CHST9: variants seen among roughly 807,000 people sequenced by gnomAD.
The protein encoded by CHST9 is GalNAc-4-sulfotransferase 2.
Under a neutral mutation model 44.4 loss-of-function variants are expected in CHST9, and 41 were observed. The observed-to-expected ratio is 0.92, with a 90% CI of 0.72 to 1.20. The LOEUF (loss-of-function observed/expected upper bound fraction) is 1.20, where lower values mean the gene tolerates loss of function less well. Ranked by LOEUF, CHST9 falls within the 50% of genes most tolerant of loss-of-function variation. The pLI, the probability that CHST9 is intolerant of heterozygous loss-of-function variation, is 0.00. For synonymous variants in CHST9, 171 were observed against 178.4 expected (o/e 0.96, Z 0.33); for missense variants, 504 against 516.5 (o/e 0.98, Z 0.23).
At chr18:26,967,253 T>G (rs2056477774) in intron 4 of CHST9, among the ~76,000 whole-genome samples, 1 of 152,230 alleles carries the variant, frequency 6.6e-6, no homozygotes, top group South Asian at 2.1e-4. Flanking sequence ...GCTTTCTGAA[T>G]GCTATGTAGG....
chr18:27,027,756 C>T (rs2057298238), intron 3 of CHST9, among the ~76,000 whole-genome samples: 1 of 152,020 alleles, frequency 6.6e-6, no homozygotes, highest in Non-Finnish European at 1.5e-5. Context: ...AAACTACACC[C>T]ATAATCATCA....
At chr18:26,952,016 GAC>G (rs2056254716) in intron 4 of CHST9, among the ~76,000 whole-genome samples, 1 of 152,164 alleles carries the variant, frequency 6.6e-6, no homozygotes, top group Non-Finnish European at 1.5e-5. Flanking sequence ...CATATTACAT[GAC>G]ACTCTCTCCC....
intron 1 of CHST9, among the ~76,000 whole-genome samples, chr18:27,152,157 T>C (rs1366900937): frequency 2.6e-5 from 4 of 152,208 alleles, no homozygotes; most frequent in East Asian, 3.8e-4. Context: ...TGCTTCCTTA[T>C]ACATCTTGTT....
At chr18:26,975,689 G>A (rs2056610760) in intron 4 of CHST9, among the ~76,000 whole-genome samples, 1 of 138,070 alleles carries the variant, frequency 7.2e-6, no homozygotes, top group Admixed American at 7.5e-5. Context: ...ATATATGTGT[G>A]TGTATATATA....
intron 5 of CHST9, among the ~76,000 whole-genome samples, chr18:26,933,397 ATGTAG>A (rs1256738832): frequency 1.3e-5 from 2 of 152,212 alleles, no homozygotes; most frequent in African/African-American, 4.8e-5. Context: ...AATGCCTGAC[ATGTAG>A]TGTATACTCA....
chr18:27,088,328 T>C (rs1017746278), intron 2 of CHST9, among the ~76,000 whole-genome samples: 1 of 152,088 alleles, frequency 6.6e-6, no homozygotes, highest in South Asian at 2.1e-4. Flanking sequence ...ACACATTCAA[T>C]TTCCCATGTT....
At position 27,023,551 on chromosome 18, in the gene CHST9, C is replaced by A. The variant is rs145727454; in HGVS notation, c.202+565G>T. On this transcript the variant is annotated intron_variant, in intron 4 of 5. Transcript: ENST00000618847. ...CAGCTGAATCTTTTTGCCTAAAGACCACTGTATGCCAAAGCCATGAAAACA... is the reference window on the plus strand; with the variant it reads ...CAGCTGAATCTTTTTGCCTAAAGACAACTGTATGCCAAAGCCATGAAAACA... 2.6e-5 allele frequency among the ~76,000 whole-genome samples: 4 copies of A among 152,266 alleles called. No individual in the cohort carries two copies. The East Asian group carries it at 7.7e-4, about 29-fold the overall frequency.
At chr18:27,169,777 T>G (rs1166943861) in intron 1 of CHST9, among the ~76,000 whole-genome samples, 2 of 151,896 alleles carry the variant, frequency 1.3e-5, no homozygotes, top group Admixed American at 1.3e-4. Context: ...GGCTAATTTT[T>G]TTTGTACTTT....
intron 4 of CHST9, among the ~76,000 whole-genome samples, chr18:27,019,405 C>T (rs1473267618): frequency 6.6e-6 from 1 of 152,122 alleles, no homozygotes; most frequent in Non-Finnish European, 1.5e-5. Flanking sequence ...AACCCTGCCT[C>T]AAGATATTCT....
chr18:27,109,590 G>A (rs993957264), intron 2 of CHST9, among the ~76,000 whole-genome samples: 2 of 152,170 alleles, frequency 1.3e-5, no homozygotes, highest in East Asian at 1.9e-4. Context: ...AGCTGCGACA[G>A]CTTGTTTATT....
intron 4 of CHST9, among the ~76,000 whole-genome samples, chr18:26,951,005 C>G (rs565115526): frequency 6.6e-6 from 1 of 152,150 alleles, no homozygotes. Flanking sequence ...GTCTGACCGG[C>G]AGATTAAGTG....
intron 4 of CHST9, among the ~76,000 whole-genome samples, chr18:26,996,575 C>T (rs111493827): frequency 6.0e-4 from 92 of 152,236 alleles, no homozygotes; most frequent in African/African-American, 2.0e-3. Flanking sequence ...AGGACAAAAC[C>T]AAACTCCATT....
chr18:26,999,835 GATAAA>G (rs1196203596), intron 4 of CHST9, among the ~76,000 whole-genome samples: 2 of 152,094 alleles, frequency 1.3e-5, no homozygotes, highest in Non-Finnish European at 2.9e-5. Flanking sequence ...GAAGTCTATG[GATAAA>G]ATAAAAATAA....
At chr18:27,083,762 T>A (rs1371331013) in intron 2 of CHST9, among the ~76,000 whole-genome samples, 1 of 152,162 alleles carries the variant, frequency 6.6e-6, no homozygotes, top group Non-Finnish European at 1.5e-5. Context: ...CCCCATTCCA[T>A]CTGGGTTCTT....
At chr18:26,977,415 A>G (rs1294049794) in intron 4 of CHST9, among the ~76,000 whole-genome samples, 2 of 141,832 alleles carry the variant, frequency 1.4e-5, no homozygotes, top group Non-Finnish European at 3.1e-5. Context: ...TCATTTCCAA[A>G]GGTCACTTGT....
Position 27,008,663 on chromosome 18 carries a change from G to A in CHST9, c.202+15453C>T, listed in dbSNP as rs138441510. 1.2e-4 allele frequency among the ~76,000 whole-genome samples: 18 copies of A among 152,110 alleles called. No individual in the cohort carries two copies. In the East Asian group the frequency reaches 3.5e-3, roughly 30 times the overall value. ...GCATAAAGTGTTAAATGAGTTCCTT[G>A]CGAGGCTAGGAGGCAGTCGTTCATT... On this transcript the variant is annotated intron_variant, in intron 4 of 5. Coordinates refer to ENST00000618847, the MANE Select transcript of CHST9 (RefSeq NM_031422.6).
chr18:27,009,986 T>A (rs947547260), intron 4 of CHST9, among the ~76,000 whole-genome samples: 1 of 152,220 alleles, frequency 6.6e-6, no homozygotes, highest in East Asian at 1.9e-4. Context: ...GTAATACTTT[T>A]GTTTTATTGT....
chr18:27,149,541 T>C (rs1416982958), intron 1 of CHST9, among the ~76,000 whole-genome samples: 1 of 152,068 alleles, frequency 6.6e-6, no homozygotes, highest in Non-Finnish European at 1.5e-5. Context: ...TGATTTATAT[T>C]ACTGGGTATA....
chr18:27,089,811 T>TTTA (rs149723539), intron 2 of CHST9, among the ~76,000 whole-genome samples: 4 of 6,444 alleles, frequency 6.2e-4, no homozygotes, highest in African/African-American at 5.4e-3. Context: ...GTTTCCTGAC[T>TTTA]TTTTTTTTTT....
Sources: allele counts gnomAD v4.1 joint callset (sites outside exome capture counted in the v4.1 genomes callset), GRCh38; gene constraint gnomAD v4.1.1; transcripts MANE v1.5; gene names NCBI Gene and HGNC (gene_info 2026-07-23, HGNC 2026-07-21).